Variants in EPRS1 observed in about 807,000 individuals in gnomAD.
EPRS1 encodes the protein glutamyl-prolyl-tRNA synthetase 1, also known as bifunctional glutamate/proline--tRNA ligase.
EPRS1 carries 107 observed loss-of-function variants against 188.3 expected under a neutral mutation model. The ratio of observed to expected loss-of-function variants is 0.57; its 90% CI spans 0.49 to 0.67. EPRS1 has a LOEUF of 0.67. Among genes scored for constraint, EPRS1 ranks in the 30% least tolerant of loss-of-function variants. The probability of loss-of-function intolerance (pLI) is 0.00; values close to 1 mark genes in which losing one functional copy is unlikely to be tolerated. For missense variants in EPRS1, 1,577 were observed against 1,802.2 expected (o/e 0.88, Z 2.26); for synonymous variants, 596 against 593.1 (o/e 1.00, Z -0.07).
intron 12 of EPRS1, among the ~76,000 whole-genome samples, chr1:220,017,174 T>C (rs959090783): frequency 2.0e-5 from 3 of 152,034 alleles, no homozygotes; most frequent in Non-Finnish European, 4.4e-5. Flanking sequence ...GACTGTGCCA[T>C]TGCACTCCAC....
chr1:219,972,000 A>G, intron 30 of EPRS1, 69 bp downstream of exon 30: 2 of 962,852 alleles, frequency 2.1e-6, no homozygotes, highest in Admixed American at 4.9e-5. Flanking sequence ...CCATGCATAA[A>G]TTCAATGAGC....
rs148551457 is a variant in EPRS1, at chr1:220,007,220, T to C, written c.1724A>G (p.Asn575Ser). Residue 575 changes from asparagine to serine, a missense_variant, in exon 14 of 32, where the codon AAC becomes AGC. By Grantham distance (46) the Asn-to-Ser change is conservative. Around this residue, in one of 3 missense-constraint regions of EPRS1, gnomAD observed 1,278 missense variants for 1,457.4 expected, o/e 0.88. Transcript: ENST00000366923. The stretch of plus-strand genomic sequence containing the variant: ...TTCTTACTTGTGTATTTTTGTAATG[T>C]TGAGGTTGCCCCAATTTATAAATGT... The part of the protein sequence containing the change: ...MVTFINWGNL[N>S]ITKIHKNADG... 4.6e-5 allele frequency: 75 copies of C among 1,613,066 alleles called. No homozygotes were observed. In the African/African-American group the frequency reaches 9.6e-4, roughly 21 times the overall value.
chr1:219,992,010 G>C (rs369487223), intron 18 of EPRS1, among the ~76,000 whole-genome samples: 2 of 152,100 alleles, frequency 1.3e-5, no homozygotes, highest in African/African-American at 4.8e-5. Context: ...TCCCAAATAA[G>C]AATTACAAAC....
intron 17 of EPRS1, among the ~76,000 whole-genome samples, chr1:219,998,030 A>G (rs1571671155): frequency 6.6e-6 from 1 of 152,188 alleles, no homozygotes; most frequent in Non-Finnish European, 1.5e-5. Flanking sequence ...GTGAATAAAG[A>G]TACTATTTTT....
intron 1 of EPRS1, 91 bp downstream of exon 1, chr1:220,046,252 A>G (rs1252988325): frequency 2.0e-6 from 3 of 1,498,700 alleles, no homozygotes; most frequent in Non-Finnish European, 2.8e-6. Flanking sequence ...GGTGACCACC[A>G]CTGCGCAAAG....
intron 6 of EPRS1, among the ~76,000 whole-genome samples, chr1:220,029,651 A>G (rs1254047050): frequency 1.3e-5 from 2 of 152,232 alleles, no homozygotes; most frequent in Non-Finnish European, 2.9e-5. Flanking sequence ...CCTAATGGTT[A>G]ATTTTCTAAG....
intron 9 of EPRS1, among the ~76,000 whole-genome samples, chr1:220,021,018 C>G (rs1661869518): frequency 6.6e-6 from 1 of 151,562 alleles, no homozygotes; most frequent in African/African-American, 2.4e-5. Context: ...GATGGGATTA[C>G]AGGCATGCGC....
At position 220,010,960 on chromosome 1, in the gene EPRS1, C is replaced by T. The variant is rs1661593843; in HGVS notation, c.1591G>A (p.Ala531Thr). The T allele has an allele frequency of 1.2e-6, 2 of 1,603,848 alleles. No homozygotes were observed. The highest frequency in any genetic ancestry group is 1.7e-5 in the Admixed American group (1 of 59,966). ...GTAAGAGTGACCTTTGGGTGTTTGG[C>T]TACTTCTTTCATCTCCTCCTGAGCT... ...PEAQEEMKEV[A>T]KHPKNPEVGL... Residue 531 changes from alanine (A) to threonine (T), a missense_variant, in exon 13 of 32, where the codon GCC becomes ACC. By Grantham distance (58) the Ala-to-Thr change is moderately conservative. Around this residue, in one of 3 missense-constraint regions of EPRS1, gnomAD observed 1,278 missense variants for 1,457.4 expected, o/e 0.88. Transcript: ENST00000366923.
At position 219,970,205 on chromosome 1, in the gene EPRS1, A is replaced by G. The variant is rs188376025; in HGVS notation, c.4324-1083T>C. On this transcript the variant is annotated intron_variant, in intron 30 of 31. Coordinates refer to ENST00000366923, the MANE Select transcript of EPRS1 (RefSeq NM_004446.3). ...AAAATGAGGTTTGTCTTCAATAACAATTATGTAGTAGCCCTATAAAATATT... is the reference window on the plus strand; with the variant it reads ...AAAATGAGGTTTGTCTTCAATAACAGTTATGTAGTAGCCCTATAAAATATT... Among the ~76,000 whole-genome samples, 40 of 152,352 alleles carry G rather than the reference A, an allele frequency of 2.6e-4. 1 individual carries two copies. Among genetic ancestry groups the G allele is most frequent in the African/African-American group, 8.7e-4 (36 of 41,584 alleles).
At chr1:219,992,837 G>A (rs1352045644) in intron 18 of EPRS1, among the ~76,000 whole-genome samples, 3 of 152,206 alleles carry the variant, frequency 2.0e-5, no homozygotes, top group Non-Finnish European at 2.9e-5. Flanking sequence ...TGAGGCAGGA[G>A]AATTGCTTGA....
intron 12 of EPRS1, 118 bp downstream of exon 12, chr1:220,018,331 G>A: frequency 1.0e-6 from 1 of 1,003,272 alleles, no homozygotes; most frequent in Non-Finnish European, 1.5e-6. Flanking sequence ...CTGAAAGTCT[G>A]CAAAATGTTA....
At chr1:220,045,529 A>G (rs900184473) in intron 1 of EPRS1, among the ~76,000 whole-genome samples, 1 of 152,122 alleles carries the variant, frequency 6.6e-6, no homozygotes, top group Non-Finnish European at 1.5e-5. Context: ...AAATCGGCAA[A>G]CTACTTAAAT....
At position 220,005,287 on chromosome 1, in the gene EPRS1, C is replaced by G; in HGVS notation, c.2024G>C (p.Arg675Thr). The G allele has an allele frequency of 3.1e-6, 5 of 1,594,200 alleles. No individual in the cohort carries two copies. The highest frequency in any genetic ancestry group is 4.3e-6 in the Non-Finnish European group (5 of 1,168,798). The change falls in exon 16 of 32, where the codon AGA becomes ACA. Residue 675 changes from arginine to threonine, a missense_variant. By Grantham distance (71) the Arg-to-Thr change is moderately conservative. This residue lies in a region of EPRS1 where 1,278 missense variants were observed against 1,457.4 expected (regional missense o/e 0.88). Transcript: ENST00000366923. ...AGGTTGATCACATATGAAGAATCCTCTTCTCTGGAGTTGTATAATATCTCC... is the reference window on the plus strand; with the variant it reads ...AGGTTGATCACATATGAAGAATCCTGTTCTCTGGAGTTGTATAATATCTCC... The part of the protein sequence containing the change: ...KKGDIIQLQR[R>T]GFFICDQPYE...
chr1:219,992,739 A>G (rs1379903806), intron 18 of EPRS1, among the ~76,000 whole-genome samples: 1 of 152,084 alleles, frequency 6.6e-6, no homozygotes, highest in Non-Finnish European at 1.5e-5. Flanking sequence ...CCAGCCTAAC[A>G]TGGTAAAACC....
At chr1:220,016,610 G>C (rs553873496) in intron 12 of EPRS1, among the ~76,000 whole-genome samples, 9 of 127,236 alleles carry the variant, frequency 7.1e-5, no homozygotes, top group Non-Finnish European at 1.5e-4. Context: ...GGAGAGATGG[G>C]GTATCACTAT....
chr1:219,974,041 T>C (rs1321085403), intron 28 of EPRS1, among the ~76,000 whole-genome samples: 1 of 152,052 alleles, frequency 6.6e-6, no homozygotes, highest in Non-Finnish European at 1.5e-5. Flanking sequence ...CCTCCCAAGA[T>C]CAATTGATTC....
At chr1:219,983,597 T>C (rs1192634811) in intron 21 of EPRS1, among the ~76,000 whole-genome samples, 199 bp from the exon 22 acceptor site, 1 of 152,042 alleles carries the variant, frequency 6.6e-6, no homozygotes, top group Non-Finnish European at 1.5e-5. Flanking sequence ...AAACTCTCCA[T>C]AAAACTTGAA....
At chr1:219,988,516 A>C (rs1169687321) in intron 19 of EPRS1, 74 bp downstream of exon 19, 1 of 976,018 alleles carries the variant, frequency 1.0e-6, no homozygotes, top group African/African-American at 1.6e-5. Context: ...TTGATGGGGC[A>C]CAAAACACTT....
Position 219,969,015 on chromosome 1 carries a change from C to A in EPRS1, c.4388+43G>T, listed in dbSNP as rs1305804428. Reference sequence around the variant, plus strand: ...TTATGCTGCAAATTGCTATTCCTTTCCATTGCAATTTTTCAAAAGTTTTGC... The same window carrying A: ...TTATGCTGCAAATTGCTATTCCTTTACATTGCAATTTTTCAAAAGTTTTGC... On this transcript the variant is annotated intron_variant, in intron 31 of 31. Transcript: ENST00000366923. 5 of 1,609,556 alleles carry A rather than the reference C, an allele frequency of 3.1e-6. No individual in the cohort carries two copies. In the South Asian group the frequency reaches 5.5e-5, roughly 18 times the overall value.
Sources: gnomAD v4.1 joint callset for allele counts (sites outside exome capture counted in the v4.1 genomes callset) on GRCh38, gnomAD v4.1.1 for gene constraint, gnomAD v4.1.1 regional missense constraint, MANE v1.5 for transcripts, NCBI Gene and HGNC (gene_info 2026-07-23, HGNC 2026-07-21) for gene names.